The following PCDHA9 variants were observed in gnomAD, a reference collection of about 807,000 sequenced individuals.
PCDHA9 encodes protocadherin alpha 9, also known as protocadherin alpha-9.
A neutral mutation model predicts 62.0 loss-of-function variants in PCDHA9; 62 were observed. That is an observed-to-expected ratio of 1.00 (90% confidence interval 0.81 to 1.23). PCDHA9 has a LOEUF of 1.23. PCDHA9 is among the 50% of genes most tolerant of loss of function. The probability of loss-of-function intolerance (pLI) is 0.00; values close to 1 mark genes in which losing one functional copy is unlikely to be tolerated. For synonymous variants in PCDHA9, 557 were observed against 567.6 expected, an observed-to-expected ratio of 0.98 and a Z score of 0.27; for missense variants, 1,205 against 1,249.8, an observed-to-expected ratio of 0.96 and a Z score of 0.54.
chr5:141,002,189 C>T (rs1277871243), intron 3 of PCDHA9, among the ~76,000 whole-genome samples: 4 of 152,220 alleles, frequency 2.6e-5, no homozygotes, highest in African/African-American at 9.6e-5. Flanking sequence ...TGCTGTCTGG[C>T]AAGATAGTCC....
rs1361440512 is a variant in PCDHA9, at chr5:140,875,201, G to A, written c.2394+24312G>A. 5.0e-5 allele frequency: 30 copies of A among 595,474 alleles called. No homozygotes were observed. The East Asian group carries it at 1.1e-3, about 21-fold the overall frequency. 36.9% of individuals were successfully genotyped at this position (595,474 alleles called of 1,614,324 possible). A position where few individuals can be genotyped will look rare whatever the true frequency, so the allele number is the denominator to read the frequency against. On this transcript the variant is annotated intron_variant, in intron 1 of 3. Coordinates refer to ENST00000532602, the MANE Select transcript of PCDHA9 (RefSeq NM_031857.2). ...AGAATTAAGAGTGACCCAGGAAGTG[G>A]CTAAACCGAAAAGAACCTCAGGATC... is the stretch of plus-strand genomic sequence containing the variant.
chr5:140,898,737 G>T (rs2066951107), intron 1 of PCDHA9, among the ~76,000 whole-genome samples: 1 of 152,102 alleles, frequency 6.6e-6, no homozygotes, highest in African/African-American at 2.4e-5. Flanking sequence ...AAAGTCATTG[G>T]TAGCTTGATG....
chr5:141,009,892 G>GTTT lies in PCDHA9; in HGVS notation c.2808_2809insTTT (p.Glu936_Lys937insPhe). 6.2e-7 allele frequency: 1 copy of GTTT among 1,612,140 alleles called. No individual in the cohort carries two copies. Among genetic ancestry groups the GTTT allele is most frequent in the Non-Finnish European group, 8.5e-7 (1 of 1,179,578 alleles). ...AGAAGAAGGGTAACAAGACCCAGGAGAAAAAAGAGAAAGGGAACAGCACGA... is the reference window on the plus strand; with the variant it reads ...AGAAGAAGGGTAACAAGACCCAGGAGTTTAAAAAAGAGAAAGGGAACAGCACGA... On this transcript the variant is annotated inframe_insertion, in exon 4 of 4. Transcript: ENST00000532602.
chr5:140,923,305 G>A (rs552769255), intron 1 of PCDHA9, among the ~76,000 whole-genome samples: 3 of 152,304 alleles, frequency 2.0e-5, no homozygotes, highest in South Asian at 2.1e-4. Context: ...GGGCGTGGGG[G>A]CGCTTGGCCT....
chr5:140,945,828 A>T (rs2093847646), intron 1 of PCDHA9, among the ~76,000 whole-genome samples: 1 of 152,176 alleles, frequency 6.6e-6, no homozygotes, highest in Admixed American at 6.5e-5. Flanking sequence ...TACAAAAGTC[A>T]ACTCAAAATG....
intron 1 of PCDHA9, among the ~76,000 whole-genome samples, chr5:140,912,626 G>A (rs189482006): frequency 6.6e-6 from 1 of 152,190 alleles, no homozygotes; most frequent in East Asian, 1.9e-4. Context: ...CTCTGGATGA[G>A]ACTTTCAGTA....
At chr5:140,855,892 G>T (rs1227119052) in intron 1 of PCDHA9, 2 of 1,011,396 alleles carry the variant, frequency 2.0e-6, no homozygotes, top group Non-Finnish European at 1.4e-6. Flanking sequence ...TAGAACAAAG[G>T]CATCAGCCAG....
chr5:140,863,178 C>G (rs1420894530), intron 1 of PCDHA9: 3 of 736,630 alleles, frequency 4.1e-6, no homozygotes, highest in African/African-American at 3.6e-5. Flanking sequence ...TGACTGCCAC[C>G]GTCACCGTGG....
rs1280903830 is a variant in PCDHA9, at chr5:140,927,541, G to T, written c.2395-51408G>T. 4 of 1,613,996 alleles carry T rather than the reference G, an allele frequency of 2.5e-6. No homozygotes were observed. The East Asian group carries it at 6.7e-5, about 27-fold the overall frequency. On this transcript the variant is annotated intron_variant, in intron 1 of 3. Coordinates refer to ENST00000532602, the MANE Select transcript of PCDHA9 (RefSeq NM_031857.2). ...CGGGCTACCTGCCCGCTCAGGAGAC[G>T]CACAAGTCACCATCATTGTGGTGGA...
chr5:140,901,175 T>C (rs2068484045), intron 1 of PCDHA9, among the ~76,000 whole-genome samples: 1 of 152,162 alleles, frequency 6.6e-6, no homozygotes, highest in African/African-American at 2.4e-5. Context: ...CTTCACTTTG[T>C]TGATTGTTTG....
Position 140,850,905 on chromosome 5 carries a change from A to G in PCDHA9, c.2394+16A>G. The G allele has an allele frequency of 6.4e-7, 1 of 1,550,536 alleles. No individual in the cohort carries two copies. Among genetic ancestry groups the G allele is most frequent in the Non-Finnish European group, 8.7e-7 (1 of 1,145,274 alleles). ...AACTGGGAAGGTGGGTTTTTCTAGC[A>G]TTTTATTTATTTATATAATTTTTTT... On this transcript the variant is annotated intron_variant, in intron 1 of 3. Transcript: ENST00000532602.
intron 1 of PCDHA9, among the ~76,000 whole-genome samples, chr5:140,912,282 C>A (rs1211433751): frequency 6.6e-6 from 1 of 151,982 alleles, no homozygotes; most frequent in African/African-American, 2.4e-5. Flanking sequence ...TACCCAGGAA[C>A]AATACTTTGC....
At chr5:140,857,904 T>A (rs781796196) in intron 1 of PCDHA9, 3 of 1,597,710 alleles carry the variant, frequency 1.9e-6, no homozygotes, top group Admixed American at 3.4e-5. Context: ...GGTGCACGCA[T>A]CCCGTTTCGC....
At chr5:140,872,598 A>G (rs1211346027) in intron 1 of PCDHA9, among the ~76,000 whole-genome samples, 1 of 152,158 alleles carries the variant, frequency 6.6e-6, no homozygotes, top group African/African-American at 2.4e-5. Context: ...CCCCCATCTG[A>G]AAAAATAATT....
At chr5:140,956,297 G>A (rs1449094533) in intron 1 of PCDHA9, among the ~76,000 whole-genome samples, 1 of 151,928 alleles carries the variant, frequency 6.6e-6, no homozygotes, top group African/African-American at 2.4e-5. Context: ...TCATATATAT[G>A]GCTCTTATTA....
rs782328874 is a variant in PCDHA9, at chr5:141,009,755, C to G, written c.2671C>G (p.Pro891Ala). The G allele has an allele frequency of 6.2e-7, 1 of 1,614,002 alleles. No homozygotes were observed. Among genetic ancestry groups the G allele is most frequent in the African/African-American group, 1.3e-5 (1 of 74,894 alleles). ...TGAGTTGCCCGACAAATTCATTATC[C>G]CAGGATCTCCTGCAATCATCTCCAT... ...PGELPDKFII[P>A]GSPAIISIRQ... Residue 891 changes from proline (P) to alanine (A), a missense_variant, in exon 4 of 4, where the codon CCA becomes GCA. Physicochemically the swap from Pro to Ala is conservative, Grantham distance 27. Coordinates refer to ENST00000532602, the MANE Select transcript of PCDHA9 (RefSeq NM_031857.2).
At position 140,990,371 on chromosome 5, in the gene PCDHA9, A is replaced by G. The variant is rs570757505; in HGVS notation, c.2542+7808A>G. Reference sequence around the variant, plus strand: ...CCTGTACAGAAAATCTAATAAAGCAAATTTGTTGGTGATGTTCCAAGAAGG... The same window carrying G: ...CCTGTACAGAAAATCTAATAAAGCAGATTTGTTGGTGATGTTCCAAGAAGG... On this transcript the variant is annotated intron_variant, in intron 3 of 3. Coordinates refer to ENST00000532602, the MANE Select transcript of PCDHA9 (RefSeq NM_031857.2). 7.2e-5 allele frequency among the ~76,000 whole-genome samples: 11 copies of G among 152,154 alleles called. No homozygotes were observed. The East Asian group carries it at 1.9e-3, about 27-fold the overall frequency.
At chr5:140,875,600 C>A (rs2055640130) in intron 1 of PCDHA9, 5 of 1,613,766 alleles carry the variant, frequency 3.1e-6, no homozygotes, top group African/African-American at 1.3e-5. Flanking sequence ...AAACACGGCA[C>A]CTTCGTGGGC....
At chr5:140,921,958 A>G (rs155363) in intron 1 of PCDHA9, among the ~76,000 whole-genome samples, 87,659 of 151,706 alleles carry the variant, frequency 0.58, 26,267 homozygotes, top group African/African-American at 0.75. Flanking sequence ...AAATCCCAGA[A>G]AACCAAAGGA....
Sources: gnomAD v4.1 joint callset for allele counts (sites outside exome capture counted in the v4.1 genomes callset) on GRCh38, gnomAD v4.1.1 for gene constraint, MANE v1.5 for transcripts, NCBI Gene and HGNC (gene_info 2026-07-23, HGNC 2026-07-21) for gene names.